Variants in ACSS3 observed in about 807,000 individuals in gnomAD.
ACSS3 encodes the protein acyl-CoA synthetase short chain family member 3.
Under a neutral mutation model 84.2 loss-of-function variants are expected in ACSS3, and 64 were observed. The ratio of observed to expected loss-of-function variants is 0.76; its 90% CI spans 0.62 to 0.94. ACSS3 has a LOEUF of 0.94. Among genes scored for constraint, ACSS3 ranks in the 40% least tolerant of loss-of-function variants. The pLI is 0.00. For missense variants in ACSS3, 815 were observed against 867.6 expected, an observed-to-expected ratio of 0.94 and a Z score of 0.76; for synonymous variants, 317 against 310.1, an observed-to-expected ratio of 1.02 and a Z score of -0.23.
Position 81,135,004 on chromosome 12 carries a change from G to T in ACSS3, c.645G>T (p.Lys215Asn), listed in dbSNP as rs1282698975. The part of the protein sequence containing the change: ...KELSSRIDHV[K>N]PKVVVTASFG... ...TAAGTAGTCGCATTGATCATGTAAA[G>T]GTAAGTGCTTTATTTTGGGAAATCA... The change falls in exon 3 of 16, where the codon AAG becomes AAT. Residue 215 changes from lysine to asparagine, a missense_variant and splice_region_variant. Coordinates refer to ENST00000548058, the MANE Select transcript of ACSS3 (RefSeq NM_024560.4). 4 of 1,578,530 alleles carry T rather than the reference G, an allele frequency of 2.5e-6. No homozygotes were observed. The highest frequency in any genetic ancestry group is 3.5e-6 in the Non-Finnish European group (4 of 1,159,294).
chr12:81,259,267 T>C lies in ACSS3; in HGVS notation c.*4345T>C. On this transcript the variant is annotated 3_prime_UTR_variant, in exon 16 of 16. Transcript: ENST00000548058. ...ATTGTCAAATGTTTGCACTCGAGAC[T>C]CCATGAACCATATATTTTATTTTTT... 3.1e-6 allele frequency: 1 copy of C among 319,146 alleles called. No homozygotes were observed. Among genetic ancestry groups the C allele is most frequent in the South Asian group, 2.9e-5 (1 of 34,524 alleles). The allele number at this position is 319,146 out of a possible 1,614,324, so 19.8% of individuals were successfully genotyped here.
At chr12:81,239,203 T>C (rs2033714785) in intron 13 of ACSS3, among the ~76,000 whole-genome samples, 1 of 152,004 alleles carries the variant, frequency 6.6e-6, no homozygotes, top group South Asian at 2.1e-4. Flanking sequence ...AATTCCATTA[T>C]TACCTCAGAA....
chr12:81,160,270 A>C (rs906348603), intron 7 of ACSS3, among the ~76,000 whole-genome samples: 1 of 152,246 alleles, frequency 6.6e-6, no homozygotes, highest in African/African-American at 2.4e-5. Flanking sequence ...TGTATTTCAC[A>C]TATGGTATAC....
In ACSS3 at chr12:81,179,271, CAAAAAAA is replaced by C. The variant is rs71098127; in HGVS notation, c.1250+4344_1250+4350del. Among the ~76,000 whole-genome samples the C allele has an allele frequency of 3.4e-4, 23 of 66,802 alleles. 1 individual carries two copies. The South Asian group carries it at 5.3e-3, about 15-fold the overall frequency. 43.8% of individuals were successfully genotyped at this position (66,802 alleles called of 152,430 possible). A position where few individuals can be genotyped will look rare whatever the true frequency, so the allele number is the denominator to read the frequency against. On this transcript the variant is annotated intron_variant, in intron 8 of 15. Transcript: ENST00000548058. ...TGATGAAGACTCCAAAAGTAATTGC[CAAAAAAA>C]AAAAAAAAAAAGAAAAAGAAAAAAA...
At chr12:81,089,328 C>T (rs1431377365) in intron 1 of ACSS3, among the ~76,000 whole-genome samples, 1 of 151,616 alleles carries the variant, frequency 6.6e-6, no homozygotes, top group Non-Finnish European at 1.5e-5. Context: ...TAATTCCCTT[C>T]TGCATTTTCA....
At chr12:81,228,186 C>T (rs945513570) in intron 11 of ACSS3, among the ~76,000 whole-genome samples, 3 of 151,750 alleles carry the variant, frequency 2.0e-5, no homozygotes, top group African/African-American at 7.3e-5. Context: ...TACCAACCTT[C>T]GAATAATTAG....
chr12:81,194,637 C>T (rs2031740671), intron 8 of ACSS3, among the ~76,000 whole-genome samples: 1 of 151,874 alleles, frequency 6.6e-6, no homozygotes, highest in East Asian at 1.9e-4. Context: ...TTAGTGCCAG[C>T]ATGACGATTG....
chr12:81,192,670 T>A (rs945692334), intron 8 of ACSS3, among the ~76,000 whole-genome samples: 2 of 152,220 alleles, frequency 1.3e-5, no homozygotes. Flanking sequence ...TGAATTTTAA[T>A]CTTCGATTTT....
chr12:81,106,085 A>G (rs756094792), intron 1 of ACSS3, among the ~76,000 whole-genome samples: 11 of 152,134 alleles, frequency 7.2e-5, no homozygotes, highest in Non-Finnish European at 1.6e-4. Flanking sequence ...GGGGTCCCCA[A>G]CCCTAGGGCC....
intron 1 of ACSS3, among the ~76,000 whole-genome samples, chr12:81,081,816 G>T (rs1257381274): frequency 6.6e-6 from 1 of 152,166 alleles, no homozygotes; most frequent in East Asian, 1.9e-4. Context: ...CAGATTATTA[G>T]AAAATAACTT....
intron 9 of ACSS3, among the ~76,000 whole-genome samples, chr12:81,209,789 AGG>A (rs1218618324): frequency 8.9e-4 from 135 of 152,276 alleles, no homozygotes; most frequent in African/African-American, 3.1e-3. Flanking sequence ...TTTCCAGAAA[AGG>A]GGTGAGCACT....
At chr12:81,084,864 A>G (rs1306970687) in intron 1 of ACSS3, among the ~76,000 whole-genome samples, 1 of 152,230 alleles carries the variant, frequency 6.6e-6, no homozygotes, top group Non-Finnish European at 1.5e-5. Context: ...TTTCTATAAT[A>G]TGATATCAAT....
At chr12:81,099,389 A>C (rs1185246346) in intron 1 of ACSS3, among the ~76,000 whole-genome samples, 3 of 152,234 alleles carry the variant, frequency 2.0e-5, no homozygotes, top group Non-Finnish European at 4.4e-5. Flanking sequence ...GTTATTTAAT[A>C]ATAAATACAT....
intron 9 of ACSS3, among the ~76,000 whole-genome samples, chr12:81,209,546 A>G (rs1593199098): frequency 6.6e-6 from 1 of 152,086 alleles, no homozygotes; most frequent in East Asian, 1.9e-4. Flanking sequence ...TTCAGTGATG[A>G]ATTTGTTACC....
At chr12:81,111,377 T>C (rs1324748309) in intron 2 of ACSS3, among the ~76,000 whole-genome samples, 3 of 152,066 alleles carry the variant, frequency 2.0e-5, no homozygotes, top group African/African-American at 4.8e-5. Context: ...CAGAGCCCCA[T>C]ACAAGACATG....
chr12:81,242,562 G>A (rs2033843604), intron 13 of ACSS3, among the ~76,000 whole-genome samples: 1 of 150,312 alleles, frequency 6.7e-6, no homozygotes, highest in Non-Finnish European at 1.5e-5. Flanking sequence ...CCAAAAAAGA[G>A]AATTTTAGAC....
intron 3 of ACSS3, among the ~76,000 whole-genome samples, chr12:81,137,574 A>T (rs1003514115): frequency 1.3e-5 from 2 of 152,144 alleles, no homozygotes; most frequent in African/African-American, 4.8e-5. Flanking sequence ...ACAGAAGAAG[A>T]TGGAAAGGAT....
At chr12:81,105,739 A>G (rs1217548289) in intron 1 of ACSS3, among the ~76,000 whole-genome samples, 1 of 152,224 alleles carries the variant, frequency 6.6e-6, no homozygotes, top group African/African-American at 2.4e-5. Flanking sequence ...CTTAGGATCT[A>G]AAACAGTGTC....
intron 11 of ACSS3, among the ~76,000 whole-genome samples, chr12:81,229,334 A>ATC (rs987825173): frequency 6.6e-6 from 1 of 151,866 alleles, no homozygotes. Flanking sequence ...CACTAATGTT[A>ATC]TCTCTCTTTG....
Sources: gnomAD v4.1 joint callset for allele counts (sites outside exome capture counted in the v4.1 genomes callset) on GRCh38, gnomAD v4.1.1 for gene constraint, MANE v1.5 for transcripts, NCBI Gene and HGNC (gene_info 2026-07-23, HGNC 2026-07-21) for gene names.